Variants in TCF20 observed in about 807,000 individuals in gnomAD.
The protein encoded by TCF20 is transcription factor 20, also known as SPRE-binding protein.
Under a neutral mutation model 148.6 loss-of-function variants are expected in TCF20, and 3 were observed. The observed-to-expected ratio is 0.02, with a 90% CI of 0.01 to 0.05. The LOEUF (loss-of-function observed/expected upper bound fraction) is 0.05. Among genes scored for constraint, TCF20 ranks in the 10% least tolerant of loss-of-function variants. The pLI is 1.00. For synonymous variants in TCF20, 1,049 were observed against 909.5 expected (o/e 1.15, Z -2.76); for missense variants, 2,350 against 2,429.3 (o/e 0.97, Z 0.69).
At chr22:42,319,994 C>T (rs1227970475) in intron 1 of TCF20, among the ~76,000 whole-genome samples, 1 of 152,154 alleles carries the variant, frequency 6.6e-6, no homozygotes, top group African/African-American at 2.4e-5. Context: ...GGCTCTACCC[C>T]AAGGCTCTGC....
At position 42,292,552 on chromosome 22, in the gene TCF20, G is replaced by A. The variant is rs987341366; in HGVS notation, c.-37+50927C>T. On this transcript the variant is annotated intron_variant, in intron 1 of 1. Transcript: ENST00000515426. This position sits in a 1 kb window ranked among gnomAD's most constrained non-coding sequence, Gnocchi z 4.9. ...TGAGGTAACATCCTGCGTGTCAACTGTAACCAAGGTAGGTTGTGAGATGCC... is the reference window on the plus strand; with the variant it reads ...TGAGGTAACATCCTGCGTGTCAACTATAACCAAGGTAGGTTGTGAGATGCC... 6.6e-6 allele frequency among the ~76,000 whole-genome samples: 1 copy of A among 152,200 alleles called. No individual in the cohort carries two copies. The highest frequency in any genetic ancestry group is 2.1e-4 in the South Asian group (1 of 4,828).
chr22:42,182,847 G>A (rs1444934140), intron 2 of TCF20, among the ~76,000 whole-genome samples: 2 of 152,102 alleles, frequency 1.3e-5, no homozygotes, highest in Non-Finnish European at 2.9e-5. Context: ...AGTGATTCTC[G>A]TGCCTCAGCT....
At chr22:42,293,417 G>T (rs529936638) in intron 1 of TCF20, among the ~76,000 whole-genome samples, 209 of 152,342 alleles carry the variant, frequency 1.4e-3, no homozygotes, top group African/African-American at 4.8e-3. Flanking sequence ...TGGTTTCCTG[G>T]AGGTGGGAAT....
At chr22:42,167,895 T>C (rs1220911049) in intron 5 of TCF20, among the ~76,000 whole-genome samples, 1 of 151,522 alleles carries the variant, frequency 6.6e-6, no homozygotes, top group Admixed American at 6.6e-5. Flanking sequence ...GCTAATTTTT[T>C]TTTTTTTTTT....
intron 1 of TCF20, among the ~76,000 whole-genome samples, chr22:42,342,542 G>A (rs1402310747): frequency 6.6e-6 from 1 of 152,212 alleles, no homozygotes; most frequent in African/African-American, 2.4e-5. Context: ...ATTGGGCAGA[G>A]GTGAAGCCAG....
chr22:42,270,173 C>A (rs957680990), intron 1 of TCF20, 166 bp downstream of exon 1: 3 of 152,358 alleles, frequency 2.0e-5, no homozygotes, highest in African/African-American at 7.2e-5. Context: ...CAGCAACACT[C>A]CCCTCAGCAC....
chr22:42,283,198 C>G (rs1926945388), intron 1 of TCF20, among the ~76,000 whole-genome samples: 1 of 152,270 alleles, frequency 6.6e-6, no homozygotes. Flanking sequence ...GCCCATCGCC[C>G]AACTCGCAGC....
At chr22:42,180,056 C>G (rs769731887) in intron 2 of TCF20, among the ~76,000 whole-genome samples, 1 of 152,150 alleles carries the variant, frequency 6.6e-6, no homozygotes, top group African/African-American at 2.4e-5. Context: ...TTCCTTGCTG[C>G]TATCGTGAGC....
In TCF20 at chr22:42,292,842, C is replaced by G. The variant is rs1927157744; in HGVS notation, c.-37+50637G>C. Among the ~76,000 whole-genome samples, 1 of 151,206 alleles carries G rather than the reference C, an allele frequency of 6.6e-6. No homozygotes were observed. ...AATCTACTGAATGACCGGGTCTCAG[C>G]TTGAGCGGCACAGACACATGGCTGG... On this transcript the variant is annotated intron_variant, in intron 1 of 1. Coordinates refer to the TCF20 transcript ENST00000515426. This position sits in a 1 kb window ranked among gnomAD's most constrained non-coding sequence, Gnocchi z 4.9.
At chr22:42,192,408 G>A (rs1345715829) in intron 2 of TCF20, among the ~76,000 whole-genome samples, 3 of 151,666 alleles carry the variant, frequency 2.0e-5, no homozygotes, top group Admixed American at 6.6e-5. Context: ...TTCCTCTTTC[G>A]CACCCGGAGC....
chr22:42,195,008 G>C (rs1937519342), intron 2 of TCF20, among the ~76,000 whole-genome samples: 2 of 151,514 alleles, frequency 1.3e-5, no homozygotes, highest in Non-Finnish European at 2.9e-5. Flanking sequence ...CTATCCACTG[G>C]AAATTCCTTC....
chr22:42,195,562 G>A (rs1470444476), intron 2 of TCF20, among the ~76,000 whole-genome samples: 1 of 148,842 alleles, frequency 6.7e-6, no homozygotes, highest in Non-Finnish European at 1.5e-5. Context: ...GTGCAATGGC[G>A]CGATCTCAGC....
intron 1 of TCF20, among the ~76,000 whole-genome samples, chr22:42,233,944 A>G (rs1257101583): frequency 1.3e-5 from 2 of 152,236 alleles, no homozygotes; most frequent in African/African-American, 4.8e-5. Context: ...CAATGAGAAT[A>G]AAAAGGTTTC....
chr22:42,280,951 G>T (rs1387081100), intron 1 of TCF20, among the ~76,000 whole-genome samples: 1 of 152,150 alleles, frequency 6.6e-6, no homozygotes. Flanking sequence ...AAATGGGAGA[G>T]CCAGGATTGA....
chr22:42,209,813 A>C lies in TCF20; in HGVS notation c.5493T>G (p.Thr1831=). The change falls in exon 2 of 6, where the codon ACT becomes ACG. Residue 1831 remains threonine, a synonymous_variant. Transcript: ENST00000677622. The part of the protein sequence containing the change: ...VLDSKPSVPT[T]SEGGPELELQ... ...ACTCCAGCTCAGGGCCACCTTCTGA[A>C]GTGGTGGGCACGGAGGGCTTCGAGT... is the stretch of plus-strand genomic sequence containing the variant. The C allele has an allele frequency of 6.2e-7, 1 of 1,614,196 alleles. No homozygotes were observed.
At position 42,168,753 on chromosome 22, in the gene TCF20, C is replaced by T; in HGVS notation, c.5800-17G>A. ...AAGGGGAGGCTGACACGGGCAAAAC[C>T]AAGAGGAGACAGACAGGTGGGAGAG... On this transcript the variant is annotated splice_polypyrimidine_tract_variant and intron_variant, in intron 4 of 5. Transcript: ENST00000677622. 6.2e-7 allele frequency: 1 copy of T among 1,600,262 alleles called. No homozygotes were observed. Among genetic ancestry groups the T allele is most frequent in the Non-Finnish European group, 8.5e-7 (1 of 1,173,438 alleles).
At position 42,179,683 on chromosome 22, in the gene TCF20, T is replaced by G. The variant is rs527912796; in HGVS notation, c.5675A>C (p.Glu1892Ala). 41 of 1,613,740 alleles carry G rather than the reference T, an allele frequency of 2.5e-5. No homozygotes were observed. The East Asian group carries it at 8.7e-4, about 34-fold the overall frequency. Reference protein sequence around the residue: ...AREMKCSHCQEAGATLGCYNK... With the variant: ...AREMKCSHCQAAGATLGCYNK... ...GTAGCAGCCCAAGGTGGCGCCTGCC[T>G]CCTGGCAGTGGGAACATTTCTGAAA... Residue 1892 changes from glutamate (E) to alanine (A), a missense_variant, in exon 3 of 6, where the codon GAG becomes GCG. Physicochemically the swap from Glu to Ala is moderately radical, Grantham distance 107. Around this residue, in one of 7 missense-constraint regions of TCF20, gnomAD observed 30 missense variants for 59.5 expected, o/e 0.50. Transcript: ENST00000677622.
chr22:42,209,078 G>A (rs1569141497), intron 2 of TCF20, among the ~76,000 whole-genome samples: 1 of 152,186 alleles, frequency 6.6e-6, no homozygotes, highest in Non-Finnish European at 1.5e-5. Flanking sequence ...AAGACAGTGA[G>A]AGAAAAATCA....
At chr22:42,311,431 G>T (rs1174318050) in intron 1 of TCF20, among the ~76,000 whole-genome samples, 1 of 152,192 alleles carries the variant, frequency 6.6e-6, no homozygotes, top group Non-Finnish European at 1.5e-5. Flanking sequence ...GGGTGGTGTG[G>T]GGATCAAATC....
Sources: gnomAD v4.1 joint callset for allele counts (sites outside exome capture counted in the v4.1 genomes callset) on GRCh38, gnomAD v4.1.1 for gene constraint, gnomAD v4.1.1 regional missense constraint, Gnocchi (gnomAD v3.1) non-coding constraint, MANE v1.5 for transcripts, NCBI Gene and HGNC (gene_info 2026-07-23, HGNC 2026-07-21) for gene names.